PDE4D: variants seen among roughly 807,000 people sequenced by gnomAD.
The protein encoded by PDE4D is 3',5'-cyclic-AMP phosphodiesterase 4D.
Under a neutral mutation model 87.4 loss-of-function variants are expected in PDE4D, and 24 were observed. The ratio of observed to expected loss-of-function variants is 0.27; its 90% CI spans 0.20 to 0.39. The LOEUF is 0.39. PDE4D is among the 10% of genes least tolerant of loss of function. The pLI is 1.00. For synonymous variants in PDE4D, 384 were observed against 383.2 expected (o/e 1.00, Z -0.02); for missense variants, 714 against 1,041.0 (o/e 0.69, Z 4.32).
chr5:60,117,085 A>G (rs896452906), intron 2 of PDE4D, among the ~76,000 whole-genome samples: 1 of 152,050 alleles, frequency 6.6e-6, no homozygotes, highest in African/African-American at 2.4e-5. Context: ...TATCCACAAC[A>G]TAAGTAATTT....
At chr5:59,185,658 C>CA (rs1214665249) in intron 3 of PDE4D, among the ~76,000 whole-genome samples, 12 of 152,176 alleles carry the variant, frequency 7.9e-5, no homozygotes, top group African/African-American at 2.9e-4. Context: ...CAAATCTCTT[C>CA]AAAAATTGAT....
intron 3 of PDE4D, among the ~76,000 whole-genome samples, chr5:59,928,451 G>A (rs958699036): frequency 1.3e-5 from 2 of 152,014 alleles, no homozygotes; most frequent in Admixed American, 6.6e-5. Flanking sequence ...GGTGGTGCGC[G>A]CCTATAATCC....
intron 2 of PDE4D, among the ~76,000 whole-genome samples, chr5:59,998,585 G>A (rs1469038999): frequency 1.3e-5 from 2 of 152,020 alleles, no homozygotes; most frequent in Non-Finnish European, 2.9e-5. Flanking sequence ...CAAGACTGAT[G>A]TTCCTTTGAA....
intron 2 of PDE4D, among the ~76,000 whole-genome samples, chr5:60,066,821 G>C (rs1010065336): frequency 2.0e-5 from 3 of 151,984 alleles, no homozygotes; most frequent in Non-Finnish European, 4.4e-5. Context: ...TAGTGAAAAG[G>C]AAAACTGTTG....
chr5:59,176,179 T>C (rs1355141738), intron 5 of PDE4D, among the ~76,000 whole-genome samples: 1 of 152,204 alleles, frequency 6.6e-6, no homozygotes, highest in African/African-American at 2.4e-5. Context: ...TAGACCTGTA[T>C]GTTTACCTAC....
At chr5:59,726,001 A>T (rs1756545050) in intron 1 of PDE4D, among the ~76,000 whole-genome samples, 1 of 152,090 alleles carries the variant, frequency 6.6e-6, no homozygotes, top group Non-Finnish European at 1.5e-5. Context: ...ATGAGGGTTG[A>T]ATTATTAATG....
chr5:59,902,871 A>C (rs1752419897), intron 3 of PDE4D, among the ~76,000 whole-genome samples: 1 of 152,184 alleles, frequency 6.6e-6, no homozygotes, highest in Admixed American at 6.6e-5. Context: ...TGTAGCACAA[A>C]ATTTGGGGAA....
chr5:59,850,841 G>C (rs1489451425), intron 1 of PDE4D, among the ~76,000 whole-genome samples: 1 of 151,982 alleles, frequency 6.6e-6, no homozygotes, highest in Non-Finnish European at 1.5e-5. Flanking sequence ...CTATGGCAGT[G>C]GGCATGACAG....
intron 1 of PDE4D, among the ~76,000 whole-genome samples, chr5:59,525,137 A>T (rs903654640): frequency 3.9e-5 from 6 of 152,200 alleles, no homozygotes; most frequent in Non-Finnish European, 8.8e-5. Flanking sequence ...CTCCACCAAC[A>T]GCTTGCACTG....
At chr5:59,631,581 T>A (rs1378816705) in intron 1 of PDE4D, among the ~76,000 whole-genome samples, 1 of 151,942 alleles carries the variant, frequency 6.6e-6, no homozygotes, top group Non-Finnish European at 1.5e-5. Context: ...AGACAGTGGG[T>A]GCAGCCCACA....
intron 1 of PDE4D, among the ~76,000 whole-genome samples, chr5:60,468,286 G>A (rs1273641234): frequency 2.8e-5 from 4 of 143,670 alleles, no homozygotes; most frequent in African/African-American, 9.8e-5. Context: ...CCACAGGTGA[G>A]TGCCACCACA....
At chr5:59,153,826 G>T (rs762190732) in intron 5 of PDE4D, among the ~76,000 whole-genome samples, 2 of 151,884 alleles carry the variant, frequency 1.3e-5, no homozygotes, top group African/African-American at 4.8e-5. Context: ...ATTTCATTAG[G>T]TTATGCTAGA....
intron 1 of PDE4D, among the ~76,000 whole-genome samples, chr5:59,634,775 G>C (rs1287716900): frequency 6.6e-6 from 1 of 152,114 alleles, no homozygotes; most frequent in African/African-American, 2.4e-5. Context: ...ATGCACACAA[G>C]AGAAAGCAGG....
At chr5:60,262,960 T>A (rs1441971699) in intron 1 of PDE4D, among the ~76,000 whole-genome samples, 1 of 152,186 alleles carries the variant, frequency 6.6e-6, no homozygotes, top group Non-Finnish European at 1.5e-5. Context: ...GCAGTTTGGA[T>A]AGGGGAGGAA....
At chr5:60,505,280 G>A (rs1456049254) in intron 1 of PDE4D, among the ~76,000 whole-genome samples, 1 of 152,162 alleles carries the variant, frequency 6.6e-6, no homozygotes, top group Non-Finnish European at 1.5e-5. Context: ...GCACATTTAG[G>A]AATCTTGTAC....
intron 1 of PDE4D, among the ~76,000 whole-genome samples, chr5:59,535,081 G>GA (rs1293825087): frequency 5.6e-5 from 8 of 143,176 alleles, no homozygotes; most frequent in African/African-American, 2.0e-4. Flanking sequence ...GTGTGTGGGG[G>GA]GGGGGTCCTC....
intron 1 of PDE4D, among the ~76,000 whole-genome samples, chr5:60,249,454 A>G (rs1748179479): frequency 1.3e-5 from 2 of 152,038 alleles, no homozygotes; most frequent in South Asian, 4.1e-4. Context: ...CAAGAGGACA[A>G]GTTGTGTCAA....
intron 6 of PDE4D, among the ~76,000 whole-genome samples, chr5:59,031,411 TATATAGATTATAC>T (rs1757467734): frequency 1.0e-5 from 1 of 99,542 alleles, no homozygotes; most frequent in African/African-American, 3.6e-5. Context: ...TATATATATA[TATATAGATTATAC>T]AGGCCGGGCG....
chr5:59,868,233 T>C (rs533866658), intron 1 of PDE4D, among the ~76,000 whole-genome samples: 411 of 152,210 alleles, frequency 2.7e-3, no homozygotes, highest in Non-Finnish European at 4.5e-3. Context: ...TTATAAATAT[T>C]TATTTACTAA....
Sources: gnomAD v4.1 joint callset for allele counts (sites outside exome capture counted in the v4.1 genomes callset) on GRCh38, gnomAD v4.1.1 for gene constraint, MANE v1.5 for transcripts, NCBI Gene and HGNC (gene_info 2026-07-23, HGNC 2026-07-21) for gene names.